Variants in AGBL4 observed in about 807,000 individuals in gnomAD.
The protein encoded by AGBL4 is AGBL carboxypeptidase 4.
Under a neutral mutation model 66.4 loss-of-function variants are expected in AGBL4, and 58 were observed. The ratio of observed to expected loss-of-function variants is 0.87; its 90% CI spans 0.71 to 1.09. The LOEUF is 1.09. Ranked by LOEUF, AGBL4 falls within the 50% of genes least tolerant of loss-of-function variation. The pLI, the probability that AGBL4 is intolerant of heterozygous loss-of-function variation, is 0.00. For synonymous variants in AGBL4, 234 were observed against 222.9 expected, an observed-to-expected ratio of 1.05 and a Z score of -0.44; for missense variants, 579 against 631.0, an observed-to-expected ratio of 0.92 and a Z score of 0.88.
chr1:49,993,635 G>C (rs1436233094), intron 1 of AGBL4, among the ~76,000 whole-genome samples: 1 of 152,096 alleles, frequency 6.6e-6, no homozygotes, highest in Non-Finnish European at 1.5e-5. Context: ...TATTAGGCTT[G>C]CTAATATCAT....
chr1:49,237,352 T>A (rs933556191), intron 4 of AGBL4, among the ~76,000 whole-genome samples: 3 of 151,536 alleles, frequency 2.0e-5, no homozygotes, highest in African/African-American at 7.3e-5. Flanking sequence ...AGATATGACT[T>A]GCTCTTCTTT....
chr1:48,639,728 C>A (rs1449513984), intron 8 of AGBL4, among the ~76,000 whole-genome samples: 1 of 152,232 alleles, frequency 6.6e-6, no homozygotes, highest in South Asian at 2.1e-4. Context: ...GGGAGTTTGC[C>A]AAGAGTCAAG....
chr1:48,722,226 T>C (rs765910192), intron 6 of AGBL4, among the ~76,000 whole-genome samples: 1 of 152,156 alleles, frequency 6.6e-6, no homozygotes, highest in African/African-American at 2.4e-5. Context: ...AGCTGAAATG[T>C]TGGGCTGAAA....
At chr1:49,291,273 A>G (rs1042289857) in intron 3 of AGBL4, among the ~76,000 whole-genome samples, 1 of 152,244 alleles carries the variant, frequency 6.6e-6, no homozygotes, top group African/African-American at 2.4e-5. Context: ...TCTCTTATAT[A>G]AAGTGTTTCT....
At chr1:49,770,845 A>G (rs1454897948) in intron 2 of AGBL4, among the ~76,000 whole-genome samples, 1 of 152,130 alleles carries the variant, frequency 6.6e-6, no homozygotes, top group Non-Finnish European at 1.5e-5. Flanking sequence ...TTTCTGTGAT[A>G]TCAATTGTAA....
chr1:48,854,791 G>C (rs1236020950), intron 6 of AGBL4, among the ~76,000 whole-genome samples: 2 of 152,208 alleles, frequency 1.3e-5, no homozygotes, highest in Non-Finnish European at 2.9e-5. Context: ...TTCTGAGTGA[G>C]TCTCTTGTTT....
chr1:49,566,423 GT>G (rs1313659280), intron 3 of AGBL4, among the ~76,000 whole-genome samples: 7 of 152,100 alleles, frequency 4.6e-5, no homozygotes, highest in African/African-American at 1.4e-4. Context: ...CCCCATCTTT[GT>G]GGTTTTATCT....
At chr1:49,816,244 C>A (rs1343682323) in intron 2 of AGBL4, among the ~76,000 whole-genome samples, 1 of 152,014 alleles carries the variant, frequency 6.6e-6, no homozygotes, top group Non-Finnish European at 1.5e-5. Flanking sequence ...AGAATAATAC[C>A]ATCATAATTA....
intron 1 of AGBL4, among the ~76,000 whole-genome samples, chr1:49,891,020 T>C (rs868229215): frequency 1.1e-4 from 16 of 152,194 alleles, no homozygotes; most frequent in African/African-American, 3.6e-4. Flanking sequence ...AGGTACTACT[T>C]TAGATAAGAT....
At chr1:49,084,301 C>T (rs1644858924) in intron 4 of AGBL4, among the ~76,000 whole-genome samples, 1 of 152,170 alleles carries the variant, frequency 6.6e-6, no homozygotes, top group South Asian at 2.1e-4. Context: ...TCTACCATTA[C>T]CAATTTACTG....
At chr1:49,286,428 G>C (rs569034824) in intron 3 of AGBL4, among the ~76,000 whole-genome samples, 30 of 152,200 alleles carry the variant, frequency 2.0e-4, no homozygotes, top group African/African-American at 4.8e-4. Flanking sequence ...AATTGTCCCT[G>C]TTTGCAGATG....
chr1:49,729,379 A>C (rs1171966292), intron 2 of AGBL4, among the ~76,000 whole-genome samples: 2 of 152,210 alleles, frequency 1.3e-5, no homozygotes, highest in Non-Finnish European at 2.9e-5. Flanking sequence ...TTGAGCCTCA[A>C]GTCCAAGATA....
At chr1:48,860,076 T>A (rs1934388) in intron 6 of AGBL4, among the ~76,000 whole-genome samples, 135,357 of 152,216 alleles carry the variant, frequency 0.89, 60,774 homozygotes, top group Non-Finnish European at 0.96. Context: ...CTGTGTATAC[T>A]TGGACAAAAA....
chr1:49,296,725 A>G (rs1280965665), intron 3 of AGBL4, among the ~76,000 whole-genome samples: 4 of 152,226 alleles, frequency 2.6e-5, no homozygotes, highest in Non-Finnish European at 5.9e-5. Context: ...CTTTGGGTTT[A>G]TCAACATGAA....
intron 11 of AGBL4, among the ~76,000 whole-genome samples, chr1:48,564,910 G>C (rs1644452185): frequency 6.6e-6 from 1 of 152,138 alleles, no homozygotes; most frequent in Non-Finnish European, 1.5e-5. Flanking sequence ...TGGCCCACAG[G>C]GTCTTCTGCG....
chr1:48,650,746 C>G (rs1220071037), intron 8 of AGBL4, among the ~76,000 whole-genome samples: 1 of 152,156 alleles, frequency 6.6e-6, no homozygotes, highest in Admixed American at 6.5e-5. Flanking sequence ...GAAACCATAA[C>G]ACTGGTTACA....
chr1:49,569,008 TA>T (rs1490497869), intron 3 of AGBL4, among the ~76,000 whole-genome samples: 2 of 152,154 alleles, frequency 1.3e-5, no homozygotes, highest in Non-Finnish European at 2.9e-5. Context: ...AAAGAATTAA[TA>T]AAATGTGATA....
At chr1:49,757,250 CAA>C (rs1651957149) in intron 2 of AGBL4, among the ~76,000 whole-genome samples, 1 of 152,200 alleles carries the variant, frequency 6.6e-6, no homozygotes, top group Non-Finnish European at 1.5e-5. Flanking sequence ...CCCAGCCATG[CAA>C]AACTGAGAGT....
intron 3 of AGBL4, among the ~76,000 whole-genome samples, chr1:49,499,194 T>A (rs1299730476): frequency 6.6e-6 from 1 of 151,958 alleles, no homozygotes; most frequent in African/African-American, 2.4e-5. Context: ...GGGTTTTCTT[T>A]TATGGGACAC....
Sources: gnomAD v4.1 joint callset for allele counts (sites outside exome capture counted in the v4.1 genomes callset) on GRCh38, gnomAD v4.1.1 for gene constraint, MANE v1.5 for transcripts, NCBI Gene and HGNC (gene_info 2026-07-23, HGNC 2026-07-21) for gene names.